FHIP2A: variants seen among roughly 807,000 people sequenced by gnomAD.
FHIP2A encodes family with sequence similarity 160 member B1.
FHIP2A carries 46 observed loss-of-function variants against 93.5 expected under a neutral mutation model. That is an observed-to-expected ratio of 0.49 (90% confidence interval 0.39 to 0.63). FHIP2A has a LOEUF of 0.63. Among genes scored for constraint, FHIP2A ranks in the 20% least tolerant of loss-of-function variants. The pLI is 0.00. For missense variants in FHIP2A, 769 were observed against 909.7 expected, an observed-to-expected ratio of 0.85 and a Z score of 1.99; for synonymous variants, 332 against 326.5, an observed-to-expected ratio of 1.02 and a Z score of -0.18.
At position 114,864,307 on chromosome 10, in the gene FHIP2A, A is replaced by T. The variant is rs1335880208; in HGVS notation, c.*2767A>T. ...TGAAGTCCATCAGTATTGACAGAAG[A>T]CGTTACAGTGAAGTGCTAAAACCAC... On this transcript the variant is annotated 3_prime_UTR_variant, in exon 17 of 17. Coordinates refer to ENST00000369248, the MANE Select transcript of FHIP2A (RefSeq NM_020940.4). 2 of 985,224 alleles carry T rather than the reference A, an allele frequency of 2.0e-6. No homozygotes were observed. Among genetic ancestry groups the T allele is most frequent in the Non-Finnish European group, 2.4e-6 (2 of 829,442 alleles). 61.0% of individuals were successfully genotyped at this position (985,224 alleles called of 1,614,324 possible).
In FHIP2A at chr10:114,846,308, A is replaced by G. The variant is rs1352837949; in HGVS notation, c.1339A>G (p.Ile447Val). The change falls in exon 10 of 17, where the codon ATC becomes GTC. Residue 447 changes from isoleucine (I) to valine (V), a missense_variant. Transcript: ENST00000369248. Reference sequence around the variant, plus strand: ...GAGGGAACCAGAAACTCTGGCAGAAATCAGCAGACATCCTTTAAGGCATAG... The same window carrying G: ...GAGGGAACCAGAAACTCTGGCAGAAGTCAGCAGACATCCTTTAAGGCATAG... The part of the protein sequence containing the change: ...EQREPETLAE[I>V]SRHPLRHRLI... The G allele has an allele frequency of 6.2e-7, 1 of 1,614,102 alleles. No individual in the cohort carries two copies. Among genetic ancestry groups the G allele is most frequent in the Non-Finnish European group, 8.5e-7 (1 of 1,180,040 alleles).
At chr10:114,860,974 A>G in intron 15 of FHIP2A, 85 bp downstream of exon 15, 1 of 1,310,984 alleles carries the variant, frequency 7.6e-7, no homozygotes, top group Non-Finnish European at 1.1e-6. Flanking sequence ...AGTTAGTGTC[A>G]CATAATGAAA....
In FHIP2A at chr10:114,878,369, A is replaced by G. The variant is rs528177956; in HGVS notation, c.2192+17035A>G. ...AAGTTGGGTGTCCTCACCTAGTCCA[A>G]CCAACTGAGGCTGAGGATAAGAGGA... On this transcript the variant is annotated intron_variant, in intron 16 of 16. Coordinates refer to the FHIP2A transcript ENST00000369250. Among the ~76,000 whole-genome samples, 5 of 152,278 alleles carry G rather than the reference A, an allele frequency of 3.3e-5. No individual in the cohort carries two copies. In the East Asian group the frequency reaches 9.7e-4, roughly 29 times the overall value.
At chr10:114,837,333 C>T (rs1282630248) in intron 5 of FHIP2A, among the ~76,000 whole-genome samples, 5 of 152,068 alleles carry the variant, frequency 3.3e-5, no homozygotes, top group African/African-American at 9.7e-5. Context: ...TGACCAACAT[C>T]GTGAAACCCC....
At chr10:114,834,315 C>T (rs1365620508) in intron 3 of FHIP2A, among the ~76,000 whole-genome samples, 1 of 152,162 alleles carries the variant, frequency 6.6e-6, no homozygotes, top group Non-Finnish European at 1.5e-5. Flanking sequence ...CATTCTCCTC[C>T]TCCTTTTTCC....
In FHIP2A at chr10:114,861,852, T is replaced by C; in HGVS notation, c.*312T>C. 1 of 1,018,604 alleles carries C rather than the reference T, an allele frequency of 9.8e-7. No homozygotes were observed. Among genetic ancestry groups the C allele is most frequent in the Non-Finnish European group, 1.2e-6 (1 of 851,216 alleles). The allele number at this position is 1,018,604 out of a possible 1,614,324, so 63.1% of individuals were successfully genotyped here. A position where few individuals can be genotyped will look rare whatever the true frequency, so the allele number is the denominator to read the frequency against. On this transcript the variant is annotated 3_prime_UTR_variant, in exon 17 of 17. Coordinates refer to ENST00000369248, the MANE Select transcript of FHIP2A (RefSeq NM_020940.4). Reference sequence around the variant, plus strand: ...AAAAGCTGCAATATTTCCAATGTCATGACTTTGATGATATTTCTGTTATAT... The same window carrying C: ...AAAAGCTGCAATATTTCCAATGTCACGACTTTGATGATATTTCTGTTATAT...
At chr10:114,827,119 A>G (rs2083581374) in intron 1 of FHIP2A, among the ~76,000 whole-genome samples, 1 of 152,180 alleles carries the variant, frequency 6.6e-6, no homozygotes, top group Non-Finnish European at 1.5e-5. Context: ...TGTGATGGGT[A>G]TATTGGACAC....
chr10:114,876,333 T>G (rs1454519224), intron 16 of FHIP2A, among the ~76,000 whole-genome samples: 1 of 152,188 alleles, frequency 6.6e-6, no homozygotes, highest in Non-Finnish European at 1.5e-5. Flanking sequence ...ATGCAGGATT[T>G]GGCTTGTTCC....
intron 16 of FHIP2A, among the ~76,000 whole-genome samples, chr10:114,874,888 T>C (rs560011016): frequency 3.9e-5 from 6 of 152,320 alleles, no homozygotes; most frequent in African/African-American, 1.4e-4. Context: ...CCCTTGGATA[T>C]AGATTTCTCC....
rs542598524 is a variant in FHIP2A at position 114,883,855 on chromosome 10, C to T, written c.2193-15635C>T. ...TTGGCCTCCCAAAGTGCGGAGATTA[C>T]GGGTATGAGCCACCATGCCCGGCCG... On this transcript the variant is annotated intron_variant, in intron 16 of 16. Transcript: ENST00000369250. Among the ~76,000 whole-genome samples, 15 of 152,224 alleles carry T rather than the reference C, an allele frequency of 9.9e-5. No homozygotes were observed. In the South Asian group the frequency reaches 1.2e-3, roughly 13 times the overall value.
intron 16 of FHIP2A, among the ~76,000 whole-genome samples, chr10:114,872,553 T>C (rs2083865001): frequency 6.6e-6 from 1 of 152,216 alleles, no homozygotes; most frequent in Non-Finnish European, 1.5e-5. Flanking sequence ...TGATTTCCTT[T>C]CTGTAATCTC....
rs1401495019 is a variant in FHIP2A, at chr10:114,855,241, G to T, written c.1848G>T (p.Gly616=). The change falls in exon 14 of 17, where the codon GGG becomes GGT. Residue 616 remains glycine, a synonymous_variant. Transcript: ENST00000369248. ...CAICLRWEWP[G]SPKALEKCNL... is the part of the protein sequence containing the mutation. ...TCTGCTTAAGATGGGAGTGGCCTGG[G>T]TCTCCAAAAGCATTGGAAAAGTGCA... 1 of 1,614,014 alleles carries T rather than the reference G, an allele frequency of 6.2e-7. No individual in the cohort carries two copies. Among genetic ancestry groups the T allele is most frequent in the South Asian group, 1.1e-5 (1 of 91,078 alleles).
chr10:114,832,182 C>T (rs1281611304), intron 2 of FHIP2A, among the ~76,000 whole-genome samples: 1 of 151,968 alleles, frequency 6.6e-6, no homozygotes, highest in African/African-American at 2.4e-5. Context: ...TTGATAAAAC[C>T]ATGGGATGTT....
intron 5 of FHIP2A, among the ~76,000 whole-genome samples, chr10:114,837,003 G>C (rs1038868987): frequency 6.6e-6 from 1 of 152,104 alleles, no homozygotes; most frequent in African/African-American, 2.4e-5. Context: ...TCTGGTTCAA[G>C]TGATCCTCTT....
intron 12 of FHIP2A, among the ~76,000 whole-genome samples, chr10:114,848,371 G>A (rs191088019): frequency 2.8e-4 from 43 of 152,222 alleles, no homozygotes; most frequent in Non-Finnish European, 4.0e-4. Context: ...TCTATTTTAA[G>A]TGGAATTAGT....
intron 16 of FHIP2A, among the ~76,000 whole-genome samples, chr10:114,896,425 T>C (rs1227932206): frequency 6.6e-6 from 1 of 152,108 alleles, no homozygotes; most frequent in Non-Finnish European, 1.5e-5. Context: ...ACTGTGGTCA[T>C]GTGAAAGGAA....
At position 114,847,003 on chromosome 10, in the gene FHIP2A, TTTTC is replaced by T. The variant is rs1311090985; in HGVS notation, c.1569-85_1569-82del. On this transcript the variant is annotated intron_variant, in intron 11 of 16. Transcript: ENST00000369248. Reference sequence around the variant, plus strand: ...TTTATATTAGCAAAATTATGTAACATTTTCTAAGAACATAGCAGAGAATCTTTTG... The same window carrying T: ...TTTATATTAGCAAAATTATGTAACATTAAGAACATAGCAGAGAATCTTTTG... The T allele has an allele frequency of 1.1e-5, 13 of 1,224,696 alleles. No homozygotes were observed. In the African/African-American group the frequency reaches 1.8e-4, roughly 17 times the overall value. The allele number at this position is 1,224,696 out of a possible 1,614,324, so 75.9% of individuals were successfully genotyped here. A position where few individuals can be genotyped will look rare whatever the true frequency, so the allele number is the denominator to read the frequency against.
intron 5 of FHIP2A, among the ~76,000 whole-genome samples, chr10:114,839,576 G>T (rs1256441832): frequency 1.3e-5 from 2 of 152,118 alleles, no homozygotes; most frequent in Non-Finnish European, 2.9e-5. Flanking sequence ...TATGGTAGAT[G>T]AGTTAGAAAC....
At chr10:114,827,091 T>C (rs1177771707) in intron 1 of FHIP2A, among the ~76,000 whole-genome samples, 1 of 152,224 alleles carries the variant, frequency 6.6e-6, no homozygotes, top group African/African-American at 2.4e-5. Flanking sequence ...ATCTGAATTA[T>C]CCATCTAGAT....
Sources: gnomAD v4.1 joint callset for allele counts (sites outside exome capture counted in the v4.1 genomes callset) on GRCh38, gnomAD v4.1.1 for gene constraint, MANE v1.5 for transcripts, NCBI Gene and HGNC (gene_info 2026-07-23, HGNC 2026-07-21) for gene names.